The following NMNAT1 variants were observed in gnomAD, a reference collection of about 807,000 sequenced individuals.
The protein encoded by NMNAT1 is nicotinamide/nicotinic acid mononucleotide adenylyltransferase 1.
In NMNAT1, 11 loss-of-function variants were observed where a neutral mutation model predicts 16.7. The observed-to-expected ratio is 0.66, with a 90% CI of 0.41 to 1.09. The LOEUF (loss-of-function observed/expected upper bound fraction) is 1.09. Among genes scored for constraint, NMNAT1 ranks in the 50% least tolerant of loss-of-function variants. The probability of loss-of-function intolerance (pLI) is 0.00; values close to 1 mark genes in which losing one functional copy is unlikely to be tolerated. For synonymous variants in NMNAT1, 110 were observed against 119.8 expected (o/e 0.92, Z 0.53); for missense variants, 280 against 332.3 (o/e 0.84, Z 1.22).
the NMNAT1 span, among the ~76,000 whole-genome samples, chr1:9,996,336 A>AAAAAGAT: frequency 6.6e-6 from 1 of 151,888 alleles, no homozygotes; most frequent in African/African-American, 2.4e-5. Context: ...AGAAAAAAGA[A>AAAAAGAT]AGAGTGAGAC....
At chr1:9,970,662 C>T (rs1213377086) in intron 1 of NMNAT1, among the ~76,000 whole-genome samples, 2 of 150,162 alleles carry the variant, frequency 1.3e-5, no homozygotes, top group Admixed American at 1.3e-4. Flanking sequence ...GCACTCCAGC[C>T]TGGGCAACAG....
intron 1 of NMNAT1, among the ~76,000 whole-genome samples, chr1:9,962,598 C>G (rs1392467548): frequency 1.3e-5 from 2 of 151,274 alleles, no homozygotes; most frequent in Non-Finnish European, 2.9e-5. Flanking sequence ...GATTGGCCTT[C>G]TCATTATCTC....
downstream of NMNAT1, among the ~76,000 whole-genome samples, chr1:9,988,415 CCTT>C: frequency 6.6e-6 from 1 of 152,020 alleles, no homozygotes; most frequent in Admixed American, 6.6e-5. Flanking sequence ...AGAAAGGGTA[CCTT>C]GGCTGGGTGT....
At chr1:9,948,635 A>C (rs1641032931) in intron 1 of NMNAT1, among the ~76,000 whole-genome samples, 1 of 151,876 alleles carries the variant, frequency 6.6e-6, no homozygotes, top group African/African-American at 2.4e-5. Flanking sequence ...CTAGTCCCTA[A>C]CAAAAATACT....
At chr1:9,990,238 T>G (rs1477020626), downstream of NMNAT1, among the ~76,000 whole-genome samples, 1 of 152,042 alleles carries the variant, frequency 6.6e-6, no homozygotes, top group Non-Finnish European at 1.5e-5. Flanking sequence ...GGTGTGTAGG[T>G]TTGTAGGTGC....
chr1:9,945,048 A>C (rs546417707), intron 1 of NMNAT1, among the ~76,000 whole-genome samples: 1 of 152,220 alleles, frequency 6.6e-6, no homozygotes, highest in Non-Finnish European at 1.5e-5. Context: ...AGCCCGGCCA[A>C]CATGGTGAAA....
intron 1 of NMNAT1, among the ~76,000 whole-genome samples, chr1:9,966,604 C>T (rs1641550074): frequency 2.3e-5 from 1 of 42,964 alleles, no homozygotes; most frequent in Non-Finnish European, 5.2e-5. Context: ...CAGAGTGAGA[C>T]TTAGTCTCAA....
At position 9,975,641 on chromosome 1, in the gene NMNAT1, C is replaced by G. The variant is rs1017147686; in HGVS notation, c.165C>G (p.Tyr55Ter). 2 of 1,613,842 alleles carry G rather than the reference C, an allele frequency of 1.2e-6. No individual in the cohort carries two copies. The highest frequency in any genetic ancestry group is 2.7e-5 in the African/African-American group (2 of 74,876). Residue 55 changes from tyrosine (Y) to a stop codon, truncating the protein, a stop_gained, in exon 3 of 5, where the codon TAC becomes TAG. Transcript: ENST00000377205. LOFTEE classifies it high-confidence loss of function. ...KGIISPVGDA[Y>*]KKKGLIPAYH... ...TCATCTCTCCTGTTGGTGATGCCTA[C>G]AAGAAGAAAGGACTCATTCCTGCCT...
chr1:9,969,568 A>G (rs1432309355), intron 1 of NMNAT1, among the ~76,000 whole-genome samples: 1 of 152,124 alleles, frequency 6.6e-6, no homozygotes, highest in Admixed American at 6.6e-5. Context: ...CCTAGCTAAC[A>G]TGGTGAAACC....
At chr1:9,967,478 A>G (rs1641575178) in intron 1 of NMNAT1, 1 of 152,634 alleles carries the variant, frequency 6.6e-6, no homozygotes, top group African/African-American at 2.4e-5. Context: ...TTAGAAAGCA[A>G]AGCGAGAAAT....
intron 1 of NMNAT1, chr1:9,950,518 GC>G (rs1355855995): frequency 6.6e-6 from 1 of 152,276 alleles, no homozygotes; most frequent in Non-Finnish European, 1.5e-5. Flanking sequence ...GCTGGGACAG[GC>G]CCAGCCTGGT....
intron 1 of NMNAT1, among the ~76,000 whole-genome samples, chr1:9,969,086 T>C (rs1641630288): frequency 6.6e-6 from 1 of 152,092 alleles, no homozygotes; most frequent in East Asian, 1.9e-4. Context: ...TCTTCTGTTA[T>C]ATAGGCGGGA....
intron 2 of NMNAT1, among the ~76,000 whole-genome samples, chr1:9,974,155 A>T (rs982891915): frequency 4.0e-5 from 6 of 151,894 alleles, no homozygotes; most frequent in Admixed American, 3.9e-4. Context: ...TAACAGTTTC[A>T]TGTGTATCCT....
At chr1:9,965,263 G>A (rs1422701137) in intron 1 of NMNAT1, among the ~76,000 whole-genome samples, 1 of 142,712 alleles carries the variant, frequency 7.0e-6, no homozygotes, top group East Asian at 2.1e-4. Flanking sequence ...GTTGCAGTGA[G>A]CTGAGATTGT....
chr1:9,944,968 T>A (rs896392989), intron 1 of NMNAT1, among the ~76,000 whole-genome samples: 1 of 152,214 alleles, frequency 6.6e-6, no homozygotes, highest in African/African-American at 2.4e-5. Flanking sequence ...GTGCAGTGGC[T>A]CATGCCTGTA....
the NMNAT1 span, among the ~76,000 whole-genome samples, chr1:9,992,127 G>C: frequency 6.8e-6 from 1 of 147,094 alleles, no homozygotes; most frequent in South Asian, 2.1e-4. Context: ...CTGTCATTCA[G>C]GCTGGAGTGC....
At chr1:9,953,278 C>CTTTT (rs35129856) in intron 1 of NMNAT1, among the ~76,000 whole-genome samples, 2 of 122,748 alleles carry the variant, frequency 1.6e-5, no homozygotes, top group East Asian at 4.8e-4. Context: ...TGTGCGCGGG[C>CTTTT]TTTTTTTTTT....
At chr1:9,995,536 A>G in the NMNAT1 span, among the ~76,000 whole-genome samples, 2 of 148,936 alleles carry the variant, frequency 1.3e-5, no homozygotes, top group East Asian at 4.0e-4. Context: ...CTTCTAAAAT[A>G]TATAAAAATT....
the NMNAT1 span, among the ~76,000 whole-genome samples, chr1:9,993,374 G>A: frequency 6.6e-6 from 1 of 151,984 alleles, no homozygotes; most frequent in South Asian, 2.1e-4. Context: ...AGCTACTCGG[G>A]AGGCTGAGAC....
Sources: allele counts gnomAD v4.1 joint callset (sites outside exome capture counted in the v4.1 genomes callset), GRCh38; gene constraint gnomAD v4.1.1; transcripts MANE v1.5; gene names NCBI Gene and HGNC (gene_info 2026-07-23, HGNC 2026-07-21).